RRP12: variants seen among roughly 807,000 people sequenced by gnomAD.
RRP12 encodes RRP12-like protein.
Under a neutral mutation model 157.3 loss-of-function variants are expected in RRP12, and 78 were observed. That is an observed-to-expected ratio of 0.50 (90% CI 0.41 to 0.60). The LOEUF is 0.60. RRP12 is among the 20% of genes least tolerant of loss of function. The pLI is 0.00. For synonymous variants in RRP12, 726 were observed against 670.9 expected (o/e 1.08, Z -1.27); for missense variants, 1,521 against 1,679.9 (o/e 0.91, Z 1.65).
rs140116298 is a variant in RRP12, at chr10:97,393,737, C to T, written c.477G>A (p.Glu159=). The T allele has an allele frequency of 1.8e-4, 283 of 1,614,044 alleles. 1 individual carries two copies. In the African/African-American group the frequency reaches 3.5e-3, roughly 20 times the overall value. The change falls in exon 4 of 34, where the codon GAG becomes GAA. Residue 159 remains glutamate, a synonymous_variant. Coordinates refer to ENST00000370992, the MANE Select transcript of RRP12 (RefSeq NM_015179.4). ...CAACGGCGGCCAGGGACTCCGGGGA[C>T]TCCACTGCTTCCATTGTTGTCATCT... ...AALMTTMEAV[E]SPESLAAVAY...
At position 97,370,732 on chromosome 10, in the gene RRP12, G is replaced by A; in HGVS notation, c.2567C>T (p.Thr856Ile). The change falls in exon 22 of 34, where the codon ACT (threonine) becomes ATT (isoleucine). Residue 856 changes from threonine to isoleucine, a missense_variant. Physicochemically the swap from Thr to Ile is moderately conservative, Grantham distance 89. Coordinates refer to ENST00000370992, the MANE Select transcript of RRP12 (RefSeq NM_015179.4). ...CACACTCACCTCTGGGATGAGGGCAGTGATGAACTCCTTGTGTTCAGCTGA... is the reference window on the plus strand; with the variant it reads ...CACACTCACCTCTGGGATGAGGGCAATGATGAACTCCTTGTGTTCAGCTGA... ...KLSAEHKEFITALIPEVILCT... is the reference protein window; with the variant it reads ...KLSAEHKEFIIALIPEVILCT... 1.2e-6 allele frequency: 2 copies of A among 1,614,124 alleles called. No homozygotes were observed. Among genetic ancestry groups the A allele is most frequent in the Non-Finnish European group, 1.7e-6 (2 of 1,179,984 alleles).
chr10:97,369,684 C>T (rs1398047088), intron 24 of RRP12, 102 bp from the exon 25 acceptor site: 18 of 1,253,460 alleles, frequency 1.4e-5, no homozygotes, highest in Non-Finnish European at 1.9e-5. Flanking sequence ...TAAAAGCTGA[C>T]ATTGAGAGCC....
In RRP12 at chr10:97,374,399, C is replaced by T. The variant is rs568666621; in HGVS notation, c.1799-505G>A. ...CTGGTCTCGAATTCCTAAGTTTGAG[C>T]GATCCATGTGCCTCGGCCTCCCAAA... is the stretch of plus-strand genomic sequence containing the variant. On this transcript the variant is annotated intron_variant, in intron 15 of 33. Transcript: ENST00000370992. Among the ~76,000 whole-genome samples the T allele has an allele frequency of 2.0e-5, 3 of 152,170 alleles. No individual in the cohort carries two copies. The East Asian group carries it at 5.9e-4, about 30-fold the overall frequency.
intron 18 of RRP12, 26 bp from the exon 19 acceptor site, chr10:97,372,829 AAG>A: frequency 6.4e-7 from 1 of 1,552,538 alleles, no homozygotes; most frequent in Non-Finnish European, 8.7e-7. Context: ...GAATGAGGAG[AAG>A]AGAGTCATTG....
At chr10:97,356,415 A>G (rs78269854), downstream of RRP12, 8,207 of 152,344 alleles carry the variant, frequency 0.054, 279 homozygotes, top group East Asian at 0.13. Context: ...TTGTTGAATC[A>G]ATGAACAAAG....
intron 10 of RRP12, among the ~76,000 whole-genome samples, chr10:97,384,740 C>T (rs1393009635): frequency 6.6e-6 from 1 of 151,720 alleles, no homozygotes; most frequent in Admixed American, 6.6e-5. Context: ...CCCTGAGGAC[C>T]CCCAACCTCG....
intron 15 of RRP12, among the ~76,000 whole-genome samples, chr10:97,376,837 G>A (rs990798141): frequency 1.3e-5 from 2 of 151,630 alleles, no homozygotes; most frequent in Admixed American, 6.6e-5. Context: ...TGTGCAAAAG[G>A]ACCAGTACTT....
intron 12 of RRP12, 123 bp from the exon 13 acceptor site, chr10:97,381,036 G>A: frequency 1.4e-6 from 1 of 695,468 alleles, no homozygotes; most frequent in South Asian, 1.6e-5. Flanking sequence ...GGGGCCCCAG[G>A]AGAGACAACA....
At chr10:97,384,638 G>C (rs1040203964) in intron 10 of RRP12, among the ~76,000 whole-genome samples, 3 of 146,622 alleles carry the variant, frequency 2.0e-5, no homozygotes, top group Non-Finnish European at 4.5e-5. Flanking sequence ...CCCCAATCTC[G>C]GCAGCCTGGA....
chr10:97,400,851 C>A (rs548526051), intron 1 of RRP12, among the ~76,000 whole-genome samples: 11 of 152,278 alleles, frequency 7.2e-5, no homozygotes, highest in African/African-American at 2.4e-4. Flanking sequence ...AAGGTCCAAG[C>A]CATCTGTCTC....
At chr10:97,385,320 C>A (rs1224786309) in intron 9 of RRP12, 63 bp from the exon 10 acceptor site, 7 of 1,251,442 alleles carry the variant, frequency 5.6e-6, no homozygotes, top group Non-Finnish European at 8.2e-6. Flanking sequence ...GTGATGATGA[C>A]CCCTTCCCAT....
At chr10:97,386,278 T>C (rs1483311123) in intron 8 of RRP12, among the ~76,000 whole-genome samples, 3 of 151,838 alleles carry the variant, frequency 2.0e-5, no homozygotes, top group Admixed American at 2.0e-4. Flanking sequence ...TTTTTTTTTT[T>C]TTTTTGAGAC....
intron 10 of RRP12, among the ~76,000 whole-genome samples, chr10:97,384,631 C>G (rs1202973481): frequency 6.6e-6 from 1 of 151,150 alleles, no homozygotes; most frequent in Non-Finnish European, 1.5e-5. Flanking sequence ...TGAGGACCCC[C>G]AATCTCGGCA....
chr10:97,396,135 A>G (rs1844955974), intron 3 of RRP12, 83 bp downstream of exon 3: 1 of 976,564 alleles, frequency 1.0e-6, no homozygotes, highest in Admixed American at 1.7e-5. Context: ...CTCTACCCCC[A>G]CATGCCAGGG....
chr10:97,387,074 A>C (rs963161988), intron 8 of RRP12, among the ~76,000 whole-genome samples: 2 of 152,094 alleles, frequency 1.3e-5, no homozygotes, highest in Non-Finnish European at 2.9e-5. Flanking sequence ...GGACATAAAA[A>C]TCTACCAATG....
intron 10 of RRP12, among the ~76,000 whole-genome samples, chr10:97,384,887 C>A (rs1844576937): frequency 1.3e-5 from 2 of 151,166 alleles, no homozygotes; most frequent in African/African-American, 4.9e-5. Flanking sequence ...CCCTGAGGAC[C>A]CCCAATCTTG....
chr10:97,358,818 T>A, intron 32 of RRP12, 125 bp downstream of exon 32: 1 of 855,160 alleles, frequency 1.2e-6, no homozygotes, highest in Non-Finnish European at 1.9e-6. Context: ...CCCCTTCTTC[T>A]TTCCTGGCCT....
chr10:97,370,799 G>A lies in RRP12; in HGVS notation c.2503-3C>T, dbSNP rs368989431. 3 of 1,613,672 alleles carry A rather than the reference G, an allele frequency of 1.9e-6. No individual in the cohort carries two copies. Among genetic ancestry groups the A allele is most frequent in the Non-Finnish European group, 2.5e-6 (3 of 1,179,722 alleles). On this transcript the variant is annotated splice_polypyrimidine_tract_variant and splice_region_variant and intron_variant, in intron 21 of 33. Coordinates refer to ENST00000370992, the MANE Select transcript of RRP12 (RefSeq NM_015179.4). ...TGTAGGAGGCACTTCAAACGGGGCT[G>A]TGGGCAAAGGGCTACCAGTCAGGAC...
Position 97,379,343 on chromosome 10 carries a change from C to A in RRP12, c.1748G>T (p.Gly583Val). The change falls in exon 15 of 34, where the codon GGT becomes GTT. Residue 583 changes from glycine (G) to valine (V), a missense_variant. Transcript: ENST00000370992. Reference protein sequence around the residue: ...IRDHVQETRLGFFTTYFLPLA... With the variant: ...IRDHVQETRLVFFTTYFLPLA... ...GGGCAAGAAGTAGGTGGTGAAAAAACCAAGTCGCGTTTCCTGAACATGGTC... is the reference window on the plus strand; with the variant it reads ...GGGCAAGAAGTAGGTGGTGAAAAAAACAAGTCGCGTTTCCTGAACATGGTC... The A allele has an allele frequency of 6.2e-7, 1 of 1,614,184 alleles. No individual in the cohort carries two copies. The highest frequency in any genetic ancestry group is 8.5e-7 in the Non-Finnish European group (1 of 1,180,026).
Sources: gnomAD v4.1 joint callset for allele counts (sites outside exome capture counted in the v4.1 genomes callset) on GRCh38, gnomAD v4.1.1 for gene constraint, MANE v1.5 for transcripts, NCBI Gene and HGNC (gene_info 2026-07-23, HGNC 2026-07-21) for gene names.